Variants in PIEZO2 observed in about 807,000 individuals in gnomAD.
PIEZO2 encodes piezo type mechanosensitive ion channel component 2.
PIEZO2 carries 172 observed loss-of-function variants against 337.3 expected under a neutral mutation model. The ratio of observed to expected loss-of-function variants is 0.51; its 90% CI spans 0.45 to 0.58. The LOEUF is 0.58. PIEZO2 is among the 20% of genes least tolerant of loss of function. The pLI, the probability that PIEZO2 is intolerant of heterozygous loss-of-function variation, is 0.00. For synonymous variants in PIEZO2, 1,251 were observed against 1,228.5 expected, an observed-to-expected ratio of 1.02 and a Z score of -0.38; for missense variants, 3,028 against 3,391.3, an observed-to-expected ratio of 0.89 and a Z score of 2.66.
rs2036466558 is a variant in PIEZO2 at position 10,724,881 on chromosome 18, T to C, written c.5029+6526A>G. 3 of 1,609,258 alleles carry C rather than the reference T, an allele frequency of 1.9e-6. No individual in the cohort carries two copies. The highest frequency in any genetic ancestry group is 1.7e-5 in the Admixed American group (1 of 59,796). On this transcript the variant is annotated intron_variant, in intron 36 of 55. Coordinates refer to ENST00000674853, the MANE Select transcript of PIEZO2 (RefSeq NM_001378183.1). This position sits in a 1 kb window ranked among gnomAD's most constrained non-coding sequence, Gnocchi z 5.8. Reference sequence around the variant, plus strand: ...GTGAGAGCACCTACTCTGTAAATAGTACTGGCCGGCGGGGGCGTGGCACCC... The same window carrying C: ...GTGAGAGCACCTACTCTGTAAATAGCACTGGCCGGCGGGGGCGTGGCACCC...
intron 4 of PIEZO2, among the ~76,000 whole-genome samples, chr18:10,879,958 G>T (rs1356047323): frequency 6.6e-6 from 1 of 152,120 alleles, no homozygotes; most frequent in African/African-American, 2.4e-5. Context: ...AATATAGATT[G>T]CTTAGGGTTT....
At chr18:10,697,626 T>A in intron 45 of PIEZO2, 122 bp downstream of exon 45, 1 of 1,325,596 alleles carries the variant, frequency 7.5e-7, no homozygotes, top group Non-Finnish European at 1.0e-6. Flanking sequence ...TCATTCTGCC[T>A]TACGCAGATA....
rs761036701 is a variant in PIEZO2 at position 10,671,764 on chromosome 18, A to T, written c.8361T>A (p.Tyr2787Ter). 3 of 1,613,106 alleles carry T rather than the reference A, an allele frequency of 1.9e-6. No individual in the cohort carries two copies. Among genetic ancestry groups the T allele is most frequent in the Non-Finnish European group, 2.5e-6 (3 of 1,179,480 alleles). The change falls in exon 56 of 56, where the codon TAT becomes TAA. Residue 2787 changes from tyrosine (Y) to a stop codon, truncating the protein, a stop_gained. Transcript: ENST00000674853. LOFTEE classifies it high-confidence loss of function. ...TCCCAATCACAAGGACAACTGAAGC[A>T]TATAATCCCATAATACTGAAAAAAA... is the stretch of plus-strand genomic sequence containing the variant. ...FLAGYGIMGL[Y>*]ASVVLVIGKF...
At chr18:11,039,362 AG>A (rs1260675913) in intron 2 of PIEZO2, among the ~76,000 whole-genome samples, 4 of 152,186 alleles carry the variant, frequency 2.6e-5, no homozygotes, top group Non-Finnish European at 5.9e-5. Flanking sequence ...GGCGGAAAAA[AG>A]CTATTGCAGG....
chr18:11,106,418 CTTTTTT>C (rs539595699), intron 1 of PIEZO2, among the ~76,000 whole-genome samples: 2 of 129,596 alleles, frequency 1.5e-5, no homozygotes, highest in African/African-American at 6.3e-5. Flanking sequence ...TTTCCTCTCT[CTTTTTT>C]TTTTTTTTTT....
In PIEZO2 at chr18:11,128,397, T is replaced by C. The variant is rs2040247239; in HGVS notation, c.64+20128A>G. ...TACATGCACAGCCCCGCCAGGTGTCTACTGTTAAAGTGAGGGCATTGATTG... is the reference window on the plus strand; with the variant it reads ...TACATGCACAGCCCCGCCAGGTGTCCACTGTTAAAGTGAGGGCATTGATTG... On this transcript the variant is annotated intron_variant, in intron 1 of 55. Transcript: ENST00000674853. The surrounding 1 kb of genome is among the most constrained non-coding windows in gnomAD (Gnocchi z 4.1). 6.6e-6 allele frequency among the ~76,000 whole-genome samples: 1 copy of C among 152,200 alleles called. No homozygotes were observed. The highest frequency in any genetic ancestry group is 6.5e-5 in the Admixed American group (1 of 15,280).
intron 47 of PIEZO2, among the ~76,000 whole-genome samples, chr18:10,694,859 A>T (rs201037945): frequency 2.1e-5 from 3 of 139,926 alleles, no homozygotes; most frequent in Non-Finnish European, 3.2e-5. Context: ...AAATAAATAA[A>T]TTTTTTAAAA....
At chr18:11,012,518 C>A (rs184096198) in intron 2 of PIEZO2, among the ~76,000 whole-genome samples, 2 of 152,308 alleles carry the variant, frequency 1.3e-5, no homozygotes, top group Admixed American at 6.5e-5. Context: ...CCTCTTTGGA[C>A]AATTTAAATG....
chr18:10,946,004 A>T (rs1463184705), intron 3 of PIEZO2, among the ~76,000 whole-genome samples: 2 of 152,232 alleles, frequency 1.3e-5, no homozygotes, highest in Non-Finnish European at 2.9e-5. Context: ...AAAGAGTATT[A>T]CTGAGGTACA....
At position 11,048,616 on chromosome 18, in the gene PIEZO2, A is replaced by AAT. The variant is rs1483636700; in HGVS notation, c.160+17510_160+17511insAT. ...CAGAATGAGGGAAATGCTTATATAG[A>AAT]TAACTGAATTATTTATATTAGAAGC... is the stretch of plus-strand genomic sequence containing the variant. On this transcript the variant is annotated intron_variant, in intron 2 of 55. Coordinates refer to ENST00000674853, the MANE Select transcript of PIEZO2 (RefSeq NM_001378183.1). This position sits in a 1 kb window ranked among gnomAD's most constrained non-coding sequence, Gnocchi z 4.5. 1.3e-5 allele frequency among the ~76,000 whole-genome samples: 2 copies of AAT among 152,242 alleles called. No individual in the cohort carries two copies. Among genetic ancestry groups the AAT allele is most frequent in the Non-Finnish European group, 2.9e-5 (2 of 68,040 alleles).
rs2143726415 is a variant in PIEZO2, at chr18:10,748,609, G to A, written c.4286C>T (p.Thr1429Ile). ...GATTCCTGCTTCCCCACTGGGAAGT[G>A]TACAGGGTGAATTAGCAGCAGCTAT... is the stretch of plus-strand genomic sequence containing the variant. ...YQMPAANSPCTLPSGEAGIIW... is the reference protein window; with the variant it reads ...YQMPAANSPCILPSGEAGIIW... Residue 1429 changes from threonine (T) to isoleucine (I), a missense_variant, in exon 30 of 56, where the codon ACA becomes ATA. Transcript: ENST00000674853. The surrounding 1 kb of genome is among the most constrained non-coding windows in gnomAD (Gnocchi z 5.1). 1.3e-6 allele frequency: 2 copies of A among 1,492,210 alleles called. No homozygotes were observed. Among genetic ancestry groups the A allele is most frequent in the Non-Finnish European group, 1.8e-6 (2 of 1,129,222 alleles). 92.4% of individuals were successfully genotyped at this position (1,492,210 alleles called of 1,614,324 possible). A position where few individuals can be genotyped will look rare whatever the true frequency, so the allele number is the denominator to read the frequency against.
At position 10,750,049 on chromosome 18, in the gene PIEZO2, C is replaced by A; in HGVS notation, c.4264+42G>T. On this transcript the variant is annotated intron_variant, in intron 29 of 55. Transcript: ENST00000674853. The surrounding 1 kb of genome is among the most constrained non-coding windows in gnomAD (Gnocchi z 4.1). ...AACTAGAACAATACAACTATCCTCC[C>A]TCTTCTGCCTTTCTGCCTTCACACT... The A allele has an allele frequency of 7.1e-7, 1 of 1,400,248 alleles. No individual in the cohort carries two copies. The highest frequency in any genetic ancestry group is 1.2e-5 in the South Asian group (1 of 81,202). The allele number at this position is 1,400,248 out of a possible 1,614,324, so 86.7% of individuals were successfully genotyped here. A position where few individuals can be genotyped will look rare whatever the true frequency, so the allele number is the denominator to read the frequency against.
At chr18:10,770,570 T>TA (rs1356671359) in intron 20 of PIEZO2, among the ~76,000 whole-genome samples, 1 of 47,276 alleles carries the variant, frequency 2.1e-5, no homozygotes, top group Non-Finnish European at 4.9e-5. Flanking sequence ...ATTTTGACAT[T>TA]ATCTTCCTTC....
At chr18:11,113,369 C>A (rs74908702) in intron 1 of PIEZO2, among the ~76,000 whole-genome samples, 4,737 of 152,304 alleles carry the variant, frequency 0.031, 87 homozygotes, top group East Asian at 0.069. Context: ...AAAATACCCA[C>A]TAACAACTTG....
At chr18:10,702,225 A>T (rs1567964549) in intron 42 of PIEZO2, 54 bp from the exon 43 acceptor site, 3 of 1,466,370 alleles carry the variant, frequency 2.0e-6, no homozygotes, top group Non-Finnish European at 1.8e-6. Flanking sequence ...GAATAGATAT[A>T]CCTGTATATG....
chr18:10,903,708 A>G lies in PIEZO2; in HGVS notation c.329+7478T>C, dbSNP rs192870301. ...AGATTCAAACTTCTTGGCATTGCCT[A>G]TAAGATACTTCCTGACATGGTTTCC... On this transcript the variant is annotated intron_variant, in intron 4 of 55. Coordinates refer to ENST00000674853, the MANE Select transcript of PIEZO2 (RefSeq NM_001378183.1). The surrounding 1 kb of genome is among the most constrained non-coding windows in gnomAD (Gnocchi z 4.1). 1.7e-3 allele frequency among the ~76,000 whole-genome samples: 255 copies of G among 152,242 alleles called. 1 individual carries two copies. The highest frequency in any genetic ancestry group is 1.3e-3 in the Non-Finnish European group (91 of 68,010).
chr18:10,775,718 G>T lies in PIEZO2; in HGVS notation c.2535-1680C>A, dbSNP rs1158805396. Reference sequence around the variant, plus strand: ...TCGTTCAATGAAAGAATCAGAGGAAGACACTGGAGTAAGCCTTTTGGAAGT... The same window carrying T: ...TCGTTCAATGAAAGAATCAGAGGAATACACTGGAGTAAGCCTTTTGGAAGT... On this transcript the variant is annotated intron_variant, in intron 18 of 55. Coordinates refer to ENST00000674853, the MANE Select transcript of PIEZO2 (RefSeq NM_001378183.1). This position sits in a 1 kb window ranked among gnomAD's most constrained non-coding sequence, Gnocchi z 4.3. Among the ~76,000 whole-genome samples, 4 of 152,148 alleles carry T rather than the reference G, an allele frequency of 2.6e-5. No homozygotes were observed. The highest frequency in any genetic ancestry group is 5.9e-5 in the Non-Finnish European group (4 of 68,022).
chr18:10,876,713 A>T (rs1437900416), intron 4 of PIEZO2, among the ~76,000 whole-genome samples: 1 of 152,178 alleles, frequency 6.6e-6, no homozygotes, highest in Admixed American at 6.5e-5. Flanking sequence ...TGGTTCAAAT[A>T]CACAGTTGGA....
At chr18:10,679,830 T>A (rs2143481152) in intron 52 of PIEZO2, among the ~76,000 whole-genome samples, 1 of 152,284 alleles carries the variant, frequency 6.6e-6, no homozygotes, top group Non-Finnish European at 1.5e-5. Flanking sequence ...AAGAAACATT[T>A]GAAATTTAAG....
Sources: gnomAD v4.1 joint callset for allele counts (sites outside exome capture counted in the v4.1 genomes callset) on GRCh38, gnomAD v4.1.1 for gene constraint, Gnocchi (gnomAD v3.1) non-coding constraint, MANE v1.5 for transcripts, NCBI Gene and HGNC (gene_info 2026-07-23, HGNC 2026-07-21) for gene names.